Variants in RSRC1 observed in about 807,000 individuals in gnomAD.
RSRC1 encodes the protein serine/Arginine-related protein 53.
RSRC1 carries 39 observed loss-of-function variants against 49.1 expected under a neutral mutation model. That is an observed-to-expected ratio of 0.79 (90% CI 0.61 to 1.04). The LOEUF is 1.04. Among genes scored for constraint, RSRC1 ranks in the 50% least tolerant of loss-of-function variants. RSRC1 has a pLI of 0.00. For synonymous variants in RSRC1, 143 were observed against 130.8 expected, an observed-to-expected ratio of 1.09 and a Z score of -0.63; for missense variants, 388 against 402.4, an observed-to-expected ratio of 0.96 and a Z score of 0.31.
At chr3:158,429,752 C>T (rs151244425) in intron 6 of RSRC1, among the ~76,000 whole-genome samples, 2,390 of 150,980 alleles carry the variant, frequency 0.016, 47 homozygotes, top group African/African-American at 0.055. Context: ...AACTTGAGGA[C>T]ATTATGCCAA....
intron 6 of RSRC1, among the ~76,000 whole-genome samples, chr3:158,434,412 G>A (rs28680366): frequency 0.017 from 2,567 of 151,960 alleles, 65 homozygotes; most frequent in African/African-American, 0.059. Context: ...GCTATTCATC[G>A]TGCTGAAGTT....
rs567642996 is a variant in RSRC1, at chr3:158,378,626, G to A, written c.583+23718G>A. 3.5e-3 allele frequency among the ~76,000 whole-genome samples: 532 copies of A among 152,270 alleles called. 2 individuals carry two copies. Among genetic ancestry groups the A allele is most frequent in the Non-Finnish European group, 4.3e-3 (291 of 68,018 alleles). On this transcript the variant is annotated intron_variant, in intron 6 of 9. Transcript: ENST00000611884. ...TTCAAACTGCAAGTATGTCCTGAAC[G>A]GGAGTGCTTCAGCTGTCAAGAGACT...
chr3:158,386,186 A>G (rs914569901), intron 6 of RSRC1, among the ~76,000 whole-genome samples: 1 of 152,056 alleles, frequency 6.6e-6, no homozygotes, highest in Non-Finnish European at 1.5e-5. Context: ...ATTTTTTAAA[A>G]AAGCTGTTTT....
At chr3:158,315,816 G>C (rs1316802885) in intron 5 of RSRC1, among the ~76,000 whole-genome samples, 1 of 152,024 alleles carries the variant, frequency 6.6e-6, no homozygotes, top group African/African-American at 2.4e-5. Context: ...TTGATAATAA[G>C]CTTATTTTAG....
chr3:158,365,412 T>C (rs865795333), intron 6 of RSRC1, among the ~76,000 whole-genome samples: 52 of 152,236 alleles, frequency 3.4e-4, no homozygotes, highest in Middle Eastern at 3.4e-3. Context: ...GGTTTTCTGT[T>C]CCTGTGTTAG....
chr3:158,417,559 C>T (rs969823389), intron 6 of RSRC1, among the ~76,000 whole-genome samples: 13 of 151,858 alleles, frequency 8.6e-5, no homozygotes, highest in Admixed American at 1.3e-4. Flanking sequence ...ATGAGACATA[C>T]GAGTGATTAG....
intron 4 of RSRC1, among the ~76,000 whole-genome samples, chr3:158,289,143 T>G (rs1726762329): frequency 6.6e-6 from 1 of 152,204 alleles, no homozygotes; most frequent in South Asian, 2.1e-4. Context: ...CTAAAAGACC[T>G]CTTTTATTGG....
intron 4 of RSRC1, among the ~76,000 whole-genome samples, chr3:158,274,061 G>A (rs1262867871): frequency 6.6e-6 from 1 of 151,986 alleles, no homozygotes; most frequent in East Asian, 1.9e-4. Flanking sequence ...TTGCCCATTT[G>A]GAAACCGAAG....
intron 5 of RSRC1, among the ~76,000 whole-genome samples, chr3:158,316,732 A>G (rs951180263): frequency 6.6e-6 from 1 of 151,434 alleles, no homozygotes; most frequent in Non-Finnish European, 1.5e-5. Context: ...GCGTGAGCCA[A>G]CGCGCCCGGC....
intron 6 of RSRC1, among the ~76,000 whole-genome samples, chr3:158,408,637 A>G (rs1005726580): frequency 6.6e-6 from 1 of 152,312 alleles, no homozygotes; most frequent in East Asian, 1.9e-4. Flanking sequence ...TGACCTAGGA[A>G]AAAATATGTC....
At chr3:158,237,610 T>C (rs1185319787) in intron 4 of RSRC1, among the ~76,000 whole-genome samples, 1 of 152,216 alleles carries the variant, frequency 6.6e-6, no homozygotes, top group Non-Finnish European at 1.5e-5. Context: ...AATGTGCTCA[T>C]TGGCCATTTA....
At chr3:158,518,551 A>T (rs1358005795) in intron 7 of RSRC1, among the ~76,000 whole-genome samples, 1 of 152,058 alleles carries the variant, frequency 6.6e-6, no homozygotes, top group Non-Finnish European at 1.5e-5. Flanking sequence ...GTACCGGTAG[A>T]AGTATCATTT....
intron 3 of RSRC1, among the ~76,000 whole-genome samples, chr3:158,174,740 C>G (rs933618048): frequency 3.3e-5 from 5 of 151,954 alleles, no homozygotes; most frequent in African/African-American, 9.7e-5. Flanking sequence ...TATAAACATG[C>G]CACAATTTAT....
chr3:158,518,549 A>G (rs1576603575), intron 7 of RSRC1, among the ~76,000 whole-genome samples: 1 of 152,206 alleles, frequency 6.6e-6, no homozygotes, highest in East Asian at 1.9e-4. Context: ...AAGTACCGGT[A>G]GAAGTATCAT....
chr3:158,424,962 TTC>T (rs1200928770), intron 6 of RSRC1, among the ~76,000 whole-genome samples: 7 of 151,488 alleles, frequency 4.6e-5, no homozygotes, highest in Non-Finnish European at 1.0e-4. Context: ...TATTTGATTC[TTC>T]TCTCTTTTTT....
At chr3:158,236,918 G>T (rs1055757585) in intron 4 of RSRC1, among the ~76,000 whole-genome samples, 2 of 152,154 alleles carry the variant, frequency 1.3e-5, no homozygotes, top group African/African-American at 4.8e-5. Flanking sequence ...TCTCTGATTG[G>T]TGAATGATGG....
intron 4 of RSRC1, among the ~76,000 whole-genome samples, chr3:158,257,371 G>A (rs1274317676): frequency 2.0e-5 from 3 of 151,982 alleles, no homozygotes; most frequent in Non-Finnish European, 2.9e-5. Context: ...TCCTTTTGCG[G>A]TATTGACCTC....
intron 7 of RSRC1, among the ~76,000 whole-genome samples, chr3:158,487,959 A>G (rs1232392617): frequency 4.1e-5 from 6 of 147,342 alleles, no homozygotes; most frequent in Non-Finnish European, 9.0e-5. Context: ...GAAAAAAAAA[A>G]AAAAAAAAAA....
At chr3:158,459,961 T>C (rs1205710835) in intron 6 of RSRC1, among the ~76,000 whole-genome samples, 1 of 151,942 alleles carries the variant, frequency 6.6e-6, no homozygotes, top group African/African-American at 2.4e-5. Context: ...ATTATACTTC[T>C]AAAGGATGTG....
Sources: gnomAD v4.1 joint callset for allele counts (sites outside exome capture counted in the v4.1 genomes callset) on GRCh38, gnomAD v4.1.1 for gene constraint, MANE v1.5 for transcripts, NCBI Gene and HGNC (gene_info 2026-07-23, HGNC 2026-07-21) for gene names.